Variants in FBXO42 observed in about 807,000 individuals in gnomAD.
FBXO42 encodes the protein F-box only protein 42.
FBXO42 carries 12 observed loss-of-function variants against 71.7 expected under a neutral mutation model. That is an observed-to-expected ratio of 0.17 (90% CI 0.11 to 0.27). FBXO42 has a LOEUF of 0.27. Ranked by LOEUF, FBXO42 falls within the 10% of genes least tolerant of loss-of-function variation. FBXO42 has a pLI of 1.00. For missense variants in FBXO42, 707 were observed against 911.9 expected (o/e 0.78, Z 2.89); for synonymous variants, 325 against 327.5 (o/e 0.99, Z 0.08).
At chr1:16,256,240 A>T (rs1369883227) in intron 5 of FBXO42, among the ~76,000 whole-genome samples, 1 of 152,218 alleles carries the variant, frequency 6.6e-6, no homozygotes, top group Non-Finnish European at 1.5e-5. Context: ...ATTCAGAGTA[A>T]GTCTTGGAGA....
At chr1:16,349,881 T>C (rs1014145879) in intron 1 of FBXO42, among the ~76,000 whole-genome samples, 1 of 152,162 alleles carries the variant, frequency 6.6e-6, no homozygotes, top group Non-Finnish European at 1.5e-5. Context: ...AAAGAGTTAA[T>C]TCATTGACTA....
intron 2 of FBXO42, among the ~76,000 whole-genome samples, chr1:16,314,131 T>C (rs2082341026): frequency 6.6e-6 from 1 of 152,100 alleles, no homozygotes; most frequent in Non-Finnish European, 1.5e-5. Flanking sequence ...TTTGTATTTT[T>C]AGTAGAGACA....
chr1:16,335,539 G>T (rs2082544903), intron 1 of FBXO42, among the ~76,000 whole-genome samples: 1 of 152,002 alleles, frequency 6.6e-6, no homozygotes, highest in African/African-American at 2.4e-5. Context: ...TTTCGCTGTA[G>T]TATTAAACTT....
intron 1 of FBXO42, among the ~76,000 whole-genome samples, chr1:16,319,940 G>GAAAAAT (rs1394814299): frequency 6.6e-6 from 1 of 151,322 alleles, no homozygotes; most frequent in African/African-American, 2.4e-5. Context: ...AAAAGAAAAA[G>GAAAAAT]GATCCTAGAT....
intron 2 of FBXO42, among the ~76,000 whole-genome samples, chr1:16,307,483 C>T (rs1007414399): frequency 3.3e-5 from 5 of 151,490 alleles, no homozygotes; most frequent in Non-Finnish European, 5.9e-5. Flanking sequence ...TGCACTCCAG[C>T]CTGGGCAAGA....
chr1:16,328,907 G>A (rs1479120139), intron 1 of FBXO42, among the ~76,000 whole-genome samples: 1 of 152,124 alleles, frequency 6.6e-6, no homozygotes, highest in Non-Finnish European at 1.5e-5. Context: ...GCTCACGCCT[G>A]TAATCCCAGC....
chr1:16,269,191 G>C (rs1257959921), intron 4 of FBXO42, among the ~76,000 whole-genome samples: 1 of 149,374 alleles, frequency 6.7e-6, no homozygotes, highest in African/African-American at 2.5e-5. Flanking sequence ...GGGTTCAAGC[G>C]ATTCTCCTGC....
At chr1:16,256,098 C>A (rs2081641038) in intron 5 of FBXO42, among the ~76,000 whole-genome samples, 1 of 152,196 alleles carries the variant, frequency 6.6e-6, no homozygotes, top group African/African-American at 2.4e-5. Flanking sequence ...GGTTTGCTGA[C>A]AAAGCACCAC....
intron 4 of FBXO42, among the ~76,000 whole-genome samples, chr1:16,282,236 T>C (rs970784869): frequency 1.6e-4 from 23 of 143,928 alleles, no homozygotes; most frequent in African/African-American, 6.1e-4. Flanking sequence ...TTTTTTTTTC[T>C]TTTTTTTGAG....
At chr1:16,329,222 G>C (rs1041861288) in intron 1 of FBXO42, among the ~76,000 whole-genome samples, 1 of 150,242 alleles carries the variant, frequency 6.7e-6, no homozygotes, top group East Asian at 2.0e-4. Context: ...AAAGGAGGCA[G>C]ATGAAAGAGC....
chr1:16,320,566 C>T (rs968019671), intron 1 of FBXO42, among the ~76,000 whole-genome samples: 3 of 151,638 alleles, frequency 2.0e-5, no homozygotes, highest in Admixed American at 6.6e-5. Context: ...TGAAGTGGCA[C>T]GATCTGAGCT....
chr1:16,333,180 T>A (rs2082518205), intron 1 of FBXO42, among the ~76,000 whole-genome samples: 1 of 152,266 alleles, frequency 6.6e-6, no homozygotes, highest in East Asian at 1.9e-4. Context: ...ATCTTCATTA[T>A]CTCAAAGTTA....
Position 16,251,108 on chromosome 1 carries a change from C to T in FBXO42, c.1716G>A (p.Ser572=), listed in dbSNP as rs201916377. 1.0e-4 allele frequency: 163 copies of T among 1,614,130 alleles called. 1 individual carries two copies. Among genetic ancestry groups the T allele is most frequent in the Non-Finnish European group, 1.4e-4 (161 of 1,180,046 alleles). The change falls in exon 10 of 10, where the codon TCG becomes TCA. Residue 572 remains serine, a synonymous_variant. Transcript: ENST00000375592. This position sits in a 1 kb window ranked among gnomAD's most constrained non-coding sequence, Gnocchi z 4.5. ...AIKAMSSKGP[S]ASAALSPPLG... ...GAGGAGGACTTAGTGCTGCAGAGGCCGAGGGGCCTTTGGAGGACATCGCTT... is the reference window on the plus strand; with the variant it reads ...GAGGAGGACTTAGTGCTGCAGAGGCTGAGGGGCCTTTGGAGGACATCGCTT...
intron 1 of FBXO42, among the ~76,000 whole-genome samples, chr1:16,336,361 T>C (rs2082553548): frequency 6.6e-6 from 1 of 151,784 alleles, no homozygotes; most frequent in South Asian, 2.1e-4. Context: ...TTTTTGTTTG[T>C]TTTTGTTTTT....
chr1:16,305,935 C>T lies in FBXO42; in HGVS notation c.251-16G>A, dbSNP rs145480899. 1 of 1,546,742 alleles carries T rather than the reference C, an allele frequency of 6.5e-7. No individual in the cohort carries two copies. The highest frequency in any genetic ancestry group is 8.9e-7 in the Non-Finnish European group (1 of 1,119,002). On this transcript the variant is annotated splice_polypyrimidine_tract_variant and intron_variant, in intron 2 of 9. Coordinates refer to ENST00000375592, the MANE Select transcript of FBXO42 (RefSeq NM_018994.3). ...TGGGCTACACCTAAGACAGAAAGAG[C>T]AAACCCTTCAGTCCAGACACTTAAC...
intron 4 of FBXO42, among the ~76,000 whole-genome samples, chr1:16,274,373 T>C (rs1358028250): frequency 6.6e-6 from 1 of 151,012 alleles, no homozygotes; most frequent in Non-Finnish European, 1.5e-5. Context: ...GTGTTAGAAG[T>C]CAGAATAGGA....
At chr1:16,333,437 C>CG (rs1491163766) in intron 1 of FBXO42, among the ~76,000 whole-genome samples, 1 of 26,134 alleles carries the variant, frequency 3.8e-5, no homozygotes, top group Admixed American at 3.2e-4. Context: ...AATAGTGAGA[C>CG]CCCCCCCCCC....
At chr1:16,304,852 C>T (rs2082233123) in intron 3 of FBXO42, among the ~76,000 whole-genome samples, 2 of 151,976 alleles carry the variant, frequency 1.3e-5, no homozygotes, top group South Asian at 4.1e-4. Flanking sequence ...ACCAGTAGTC[C>T]CAGCTACTCA....
chr1:16,345,057 C>G (rs1557610047), intron 1 of FBXO42, among the ~76,000 whole-genome samples: 1 of 151,824 alleles, frequency 6.6e-6, no homozygotes, highest in Admixed American at 6.6e-5. Flanking sequence ...CAAGATTATG[C>G]CATTGTACTC....
Sources: allele counts gnomAD v4.1 joint callset (sites outside exome capture counted in the v4.1 genomes callset), GRCh38; gene constraint gnomAD v4.1.1; non-coding constraint Gnocchi (gnomAD v3.1); transcripts MANE v1.5; gene names NCBI Gene and HGNC (gene_info 2026-07-23, HGNC 2026-07-21).